The following FOXP1 variants were observed in gnomAD, a reference collection of about 807,000 sequenced individuals.
FOXP1 encodes the protein forkhead box P1.
In FOXP1, 15 loss-of-function variants were observed where a neutral mutation model predicts 98.2. The observed-to-expected ratio is 0.15, with a 90% CI of 0.10 to 0.24. The LOEUF (loss-of-function observed/expected upper bound fraction) is 0.24, where lower values mean the gene tolerates loss of function less well. Among genes scored for constraint, FOXP1 ranks in the 10% least tolerant of loss-of-function variants. The pLI is 1.00. For missense variants in FOXP1, 633 were observed against 848.5 expected (o/e 0.75, Z 3.15); for synonymous variants, 371 against 314.5 (o/e 1.18, Z -1.90).
chr3:71,419,873 G>A lies in FOXP1; in HGVS notation c.-167-60629C>T, dbSNP rs113012475. Among the ~76,000 whole-genome samples the A allele has an allele frequency of 2.6e-5, 4 of 152,146 alleles. 1 individual carries two copies. The highest frequency in any genetic ancestry group is 9.6e-5 in the African/African-American group (4 of 41,496). ...CTTGTCGCCCAGGCTAGAGTGCAGAGGCGTGATCTCGGCTCGCTGCAACCT... is the reference window on the plus strand; with the variant it reads ...CTTGTCGCCCAGGCTAGAGTGCAGAAGCGTGATCTCGGCTCGCTGCAACCT... On this transcript the variant is annotated intron_variant, in intron 3 of 20. Transcript: ENST00000649528.
intron 4 of FOXP1, among the ~76,000 whole-genome samples, chr3:71,330,514 A>C (rs2076228074): frequency 6.6e-6 from 1 of 152,260 alleles, no homozygotes; most frequent in Non-Finnish European, 1.5e-5. Flanking sequence ...GCGGTTCAGC[A>C]AACAGCCCTA....
intron 5 of FOXP1, among the ~76,000 whole-genome samples, chr3:71,277,707 C>T (rs750534789): frequency 2.6e-5 from 4 of 152,250 alleles, no homozygotes; most frequent in African/African-American, 4.8e-5. Context: ...TGATCTTTCC[C>T]TAATCCTTAC....
At chr3:71,088,279 C>CT (rs1461419047) in intron 7 of FOXP1, among the ~76,000 whole-genome samples, 2 of 152,348 alleles carry the variant, frequency 1.3e-5, no homozygotes, top group East Asian at 3.9e-4. Flanking sequence ...CCTCAGAGTC[C>CT]TTCCCTGGCC....
At chr3:71,320,360 C>T (rs1463883532) in intron 4 of FOXP1, among the ~76,000 whole-genome samples, 2 of 151,850 alleles carry the variant, frequency 1.3e-5, no homozygotes, top group Non-Finnish European at 2.9e-5. Flanking sequence ...TTTTGCGGCT[C>T]TGGAACCACC....
rs1034637409 is a variant in FOXP1, at chr3:71,006,955, T to C, written c.975-5896A>G. Among the ~76,000 whole-genome samples, 8 of 152,298 alleles carry C rather than the reference T, an allele frequency of 5.3e-5. No individual in the cohort carries two copies. The East Asian group carries it at 1.2e-3, about 22-fold the overall frequency. On this transcript the variant is annotated intron_variant, in intron 12 of 20. Coordinates refer to ENST00000649528, the MANE Select transcript of FOXP1 (RefSeq NM_001349338.3). ...GAGCAAAGAGGTGGCACTGGGCCTGTTATCTTTGGCAAACTTGTCTAAACT... is the reference window on the plus strand; with the variant it reads ...GAGCAAAGAGGTGGCACTGGGCCTGCTATCTTTGGCAAACTTGTCTAAACT...
intron 5 of FOXP1, among the ~76,000 whole-genome samples, chr3:71,254,600 A>C (rs971889742): frequency 1.3e-5 from 2 of 152,218 alleles, no homozygotes; most frequent in African/African-American, 4.8e-5. Context: ...TGAATGCTTC[A>C]TCAATCACAA....
At chr3:71,058,971 T>C (rs1455992655) in intron 7 of FOXP1, among the ~76,000 whole-genome samples, 1 of 152,106 alleles carries the variant, frequency 6.6e-6, no homozygotes, top group Non-Finnish European at 1.5e-5. Flanking sequence ...TATAACTCCT[T>C]TAGGCTTAGC....
chr3:71,507,951 C>T (rs1419056346), intron 2 of FOXP1, among the ~76,000 whole-genome samples: 6 of 152,182 alleles, frequency 3.9e-5, no homozygotes, highest in Non-Finnish European at 8.8e-5. Context: ...ATTACATATG[C>T]TAGGCTACTG....
chr3:70,977,902 G>T lies in FOXP1; in HGVS notation c.1274C>A (p.Thr425Lys). Residue 425 changes from threonine to lysine, a missense_variant, in exon 15 of 21, where the codon ACA becomes AAA. By Grantham distance (78) the Thr-to-Lys change is moderately conservative. Around this residue, in one of 6 missense-constraint regions of FOXP1, gnomAD observed 141 missense variants for 199.5 expected, o/e 0.71. Transcript: ENST00000649528. ...TPVTQGPSVI[T>K]TTSMHTVGPI... ...TCCCACCGTGTGCATGCTGGTGGTT[G>T]TGATGACAGAGGGGCCTTGGGTGAC... 1 of 1,614,216 alleles carries T rather than the reference G, an allele frequency of 6.2e-7. No individual in the cohort carries two copies. The highest frequency in any genetic ancestry group is 8.5e-7 in the Non-Finnish European group (1 of 1,180,030).
intron 11 of FOXP1, among the ~76,000 whole-genome samples, chr3:71,034,330 G>A (rs967532321): frequency 6.6e-6 from 1 of 152,016 alleles, no homozygotes; most frequent in Non-Finnish European, 1.5e-5. Context: ...GGTGGTCTGG[G>A]GAGCAGCCCA....
At chr3:71,096,549 T>C (rs1454043215) in intron 7 of FOXP1, among the ~76,000 whole-genome samples, 1 of 152,150 alleles carries the variant, frequency 6.6e-6, no homozygotes, top group Non-Finnish European at 1.5e-5. Flanking sequence ...GGGTTCAAAA[T>C]ACAAACAATG....
intron 5 of FOXP1, among the ~76,000 whole-genome samples, chr3:71,287,958 G>T (rs1203950078): frequency 6.6e-6 from 1 of 151,642 alleles, no homozygotes; most frequent in African/African-American, 2.4e-5. Context: ...TTGGCTCACC[G>T]CAACCTCTGC....
intron 6 of FOXP1, among the ~76,000 whole-genome samples, chr3:71,125,650 C>T (rs1198447460): frequency 6.6e-6 from 1 of 152,170 alleles, no homozygotes; most frequent in Non-Finnish European, 1.5e-5. Flanking sequence ...TGACAATGAT[C>T]TTTTGAACTT....
intron 4 of FOXP1, among the ~76,000 whole-genome samples, chr3:71,348,020 A>G (rs2077482649): frequency 6.6e-6 from 1 of 152,198 alleles, no homozygotes; most frequent in Admixed American, 6.5e-5. Context: ...CACCTATGAA[A>G]AAGTTTAATT....
chr3:71,558,854 G>C (rs2046339621), intron 2 of FOXP1, among the ~76,000 whole-genome samples: 1 of 144,902 alleles, frequency 6.9e-6, no homozygotes, highest in African/African-American at 2.6e-5. Context: ...CCAGGCTGGA[G>C]TGCACTGGTG....
At chr3:71,364,548 A>C (rs571519565) in intron 3 of FOXP1, among the ~76,000 whole-genome samples, 1 of 152,346 alleles carries the variant, frequency 6.6e-6, no homozygotes, top group South Asian at 2.1e-4. Flanking sequence ...TTGGCTTTTA[A>C]TATCCAAACT....
chr3:71,184,879 A>G (rs1393028482), intron 6 of FOXP1, among the ~76,000 whole-genome samples: 1 of 152,140 alleles, frequency 6.6e-6, no homozygotes, highest in African/African-American at 2.4e-5. Context: ...AGGGGCCATA[A>G]ACCTGCAAAA....
chr3:71,301,240 T>C (rs560551648), intron 4 of FOXP1, among the ~76,000 whole-genome samples: 22 of 152,266 alleles, frequency 1.4e-4, no homozygotes, highest in Non-Finnish European at 2.4e-4. Context: ...ACAATTCAAA[T>C]TGAAAATGAA....
At chr3:71,141,504 C>CGGT (rs2060069252) in intron 6 of FOXP1, among the ~76,000 whole-genome samples, 1 of 152,138 alleles carries the variant, frequency 6.6e-6, no homozygotes, top group Non-Finnish European at 1.5e-5. Context: ...ATGATTAACT[C>CGGT]GGTTTCACTA....
Sources: gnomAD v4.1 joint callset for allele counts (sites outside exome capture counted in the v4.1 genomes callset) on GRCh38, gnomAD v4.1.1 for gene constraint, gnomAD v4.1.1 regional missense constraint, MANE v1.5 for transcripts, NCBI Gene and HGNC (gene_info 2026-07-23, HGNC 2026-07-21) for gene names.